The following CACNA2D2 variants were observed in gnomAD, a reference collection of about 807,000 sequenced individuals.
The protein encoded by CACNA2D2 is voltage-dependent calcium channel subunit alpha-2/delta-2.
A neutral mutation model predicts 166.4 loss-of-function variants in CACNA2D2; 48 were observed. The ratio of observed to expected loss-of-function variants is 0.29; its 90% confidence interval spans 0.23 to 0.37. The LOEUF (loss-of-function observed/expected upper bound fraction) is 0.37, where lower values mean the gene tolerates loss of function less well. CACNA2D2 is among the 10% of genes least tolerant of loss of function. The pLI is 1.00. For synonymous variants in CACNA2D2, 561 were observed against 573.7 expected, an observed-to-expected ratio of 0.98 and a Z score of 0.32; for missense variants, 1,122 against 1,433.0, an observed-to-expected ratio of 0.78 and a Z score of 3.50.
chr3:50,367,439 T>C lies in CACNA2D2; in HGVS notation c.2356A>G (p.Ser786Gly). Residue 786 changes from serine to glycine, a missense_variant, in exon 27 of 38, where the codon AGC becomes GGC. This residue lies in a region of CACNA2D2 where 840 missense variants were observed against 1,166.8 expected (regional missense o/e 0.72). Transcript: ENST00000424201. This position sits in a 1 kb window ranked among gnomAD's most constrained non-coding sequence, Gnocchi z 6.5. Reference protein sequence around the residue: ...EPFNASFYRRSLDNHGYVFKP... With the variant: ...EPFNASFYRRGLDNHGYVFKP... ...AAGACATAACCGTGGTTATCCAGGC[T>C]GCGGCGGTAGAAGCTGGCATTGAAG... 6.2e-7 allele frequency: 1 copy of C among 1,613,916 alleles called. No individual in the cohort carries two copies. The highest frequency in any genetic ancestry group is 1.1e-5 in the South Asian group (1 of 91,074).
intron 2 of CACNA2D2, among the ~76,000 whole-genome samples, chr3:50,445,158 G>T (rs983727002): frequency 5.3e-5 from 8 of 152,220 alleles, no homozygotes; most frequent in Non-Finnish European, 8.8e-5. Flanking sequence ...GAACTTTGCT[G>T]GCTTGGACGG....
intron 3 of CACNA2D2, among the ~76,000 whole-genome samples, chr3:50,413,529 G>T (rs1344202323): frequency 6.6e-6 from 1 of 152,098 alleles, no homozygotes; most frequent in Non-Finnish European, 1.5e-5. Context: ...CTTCCCCGTT[G>T]TAAGTTGCCC....
chr3:50,409,866 G>A (rs1440682166), intron 3 of CACNA2D2, among the ~76,000 whole-genome samples: 1 of 152,232 alleles, frequency 6.6e-6, no homozygotes, highest in Non-Finnish European at 1.5e-5. Flanking sequence ...GCGGGCACGA[G>A]GAGACCTGAG....
At chr3:50,498,110 T>C (rs370842786) in intron 1 of CACNA2D2, among the ~76,000 whole-genome samples, 31 of 151,828 alleles carry the variant, frequency 2.0e-4, no homozygotes, top group African/African-American at 7.0e-4. Context: ...GGGAGTGGGG[T>C]AGGTGGCTGG....
intron 2 of CACNA2D2, among the ~76,000 whole-genome samples, chr3:50,444,599 T>C: frequency 6.6e-6 from 1 of 152,292 alleles, no homozygotes; most frequent in East Asian, 1.9e-4. Flanking sequence ...GGACCAACTT[T>C]CCCGGCCTCA....
intron 2 of CACNA2D2, among the ~76,000 whole-genome samples, chr3:50,451,618 C>A (rs1201494713): frequency 1.3e-5 from 2 of 152,218 alleles, no homozygotes; most frequent in Non-Finnish European, 2.9e-5. Flanking sequence ...AGTGCTTGGA[C>A]AACTTCCATG....
Position 50,376,500 on chromosome 3 carries a change from AG to A in CACNA2D2, c.1627-313del, listed in dbSNP as rs1705003239. Among the ~76,000 whole-genome samples the A allele has an allele frequency of 1.3e-5, 2 of 152,096 alleles. No homozygotes were observed. The highest frequency in any genetic ancestry group is 4.8e-5 in the African/African-American group (2 of 41,412). ...ACCTCTCTGCCACCACCGGCCCCAC[AG>A]GTCTGCTGCTTCTGTACCCCTGTGG... is the stretch of plus-strand genomic sequence containing the variant. On this transcript the variant is annotated intron_variant, in intron 17 of 37. Transcript: ENST00000424201. This position sits in a 1 kb window ranked among gnomAD's most constrained non-coding sequence, Gnocchi z 4.3.
At chr3:50,435,731 C>T (rs1708289734) in intron 2 of CACNA2D2, among the ~76,000 whole-genome samples, 1 of 152,102 alleles carries the variant, frequency 6.6e-6, no homozygotes, top group Admixed American at 6.5e-5. Context: ...CCACACAAAG[C>T]CAGCTCAGGC....
At chr3:50,497,144 C>T (rs1013099628) in intron 1 of CACNA2D2, among the ~76,000 whole-genome samples, 2 of 152,198 alleles carry the variant, frequency 1.3e-5, no homozygotes, top group Non-Finnish European at 2.9e-5. Flanking sequence ...GGCACCCTCA[C>T]ACTGGAAGAG....
At chr3:50,491,030 C>T (rs1469352121) in intron 1 of CACNA2D2, among the ~76,000 whole-genome samples, 1 of 152,220 alleles carries the variant, frequency 6.6e-6, no homozygotes, top group African/African-American at 2.4e-5. Context: ...CCAGCTTCCT[C>T]CATGCTGAGT....
intron 2 of CACNA2D2, among the ~76,000 whole-genome samples, chr3:50,460,372 G>A (rs1259107038): frequency 2.6e-5 from 4 of 152,014 alleles, no homozygotes; most frequent in Non-Finnish European, 5.9e-5. Flanking sequence ...AAAGGGTTAG[G>A]GAATTTATGT....
At chr3:50,377,320 C>G (rs1008073216) in intron 17 of CACNA2D2, 147 bp downstream of exon 17, 5 of 651,888 alleles carry the variant, frequency 7.7e-6, no homozygotes, top group Non-Finnish European at 1.3e-5. Flanking sequence ...TGTTCTAGAC[C>G]CAAGGTCACC....
chr3:50,445,238 A>G (rs1293391086), intron 2 of CACNA2D2, among the ~76,000 whole-genome samples: 1 of 152,178 alleles, frequency 6.6e-6, no homozygotes, highest in Non-Finnish European at 1.5e-5. Context: ...CTAACAGCAT[A>G]GGTGCCGGAC....
chr3:50,483,013 C>A (rs1414097847), intron 1 of CACNA2D2, among the ~76,000 whole-genome samples: 1 of 152,186 alleles, frequency 6.6e-6, no homozygotes, highest in Non-Finnish European at 1.5e-5. Flanking sequence ...CAAATCAGCA[C>A]TGGCCTCACA....
rs1471772348 is a variant in CACNA2D2, at chr3:50,427,901, C to G, written c.405+6412G>C. Among the ~76,000 whole-genome samples, 1 of 152,212 alleles carries G rather than the reference C, an allele frequency of 6.6e-6. No individual in the cohort carries two copies. Among genetic ancestry groups the G allele is most frequent in the African/African-American group, 2.4e-5 (1 of 41,460 alleles). On this transcript the variant is annotated intron_variant, in intron 3 of 37. Transcript: ENST00000424201. The surrounding 1 kb of genome is among the most constrained non-coding windows in gnomAD (Gnocchi z 4.7). ...CCTCGTCAGTGAATGCACCCGTGGA[C>G]TCAGCTGAACTGGCCTCCAGCTGCC...
chr3:50,404,538 T>C (rs1362679792), intron 3 of CACNA2D2, among the ~76,000 whole-genome samples: 17 of 152,042 alleles, frequency 1.1e-4, no homozygotes, highest in Admixed American at 1.1e-3. Context: ...ATCAGTGCAT[T>C]CTCCTGACAT....
At chr3:50,431,959 T>C (rs1575676402) in intron 3 of CACNA2D2, among the ~76,000 whole-genome samples, 1 of 127,348 alleles carries the variant, frequency 7.9e-6, no homozygotes, top group East Asian at 2.2e-4. Flanking sequence ...TACTCCAGCC[T>C]GGGTGACAGA....
intron 5 of CACNA2D2, among the ~76,000 whole-genome samples, chr3:50,385,717 G>A (rs934083081): frequency 2.0e-5 from 3 of 152,194 alleles, no homozygotes; most frequent in Non-Finnish European, 4.4e-5. Flanking sequence ...AGAAGCCCTC[G>A]GGTGCTGGGT....
At chr3:50,391,619 C>T (rs1705897536) in intron 4 of CACNA2D2, among the ~76,000 whole-genome samples, 1 of 152,230 alleles carries the variant, frequency 6.6e-6, no homozygotes. Context: ...CTCTTGATCT[C>T]TTGTCCCAGC....
Sources: gnomAD v4.1 joint callset for allele counts (sites outside exome capture counted in the v4.1 genomes callset) on GRCh38, gnomAD v4.1.1 for gene constraint, gnomAD v4.1.1 regional missense constraint, Gnocchi (gnomAD v3.1) non-coding constraint, MANE v1.5 for transcripts, NCBI Gene and HGNC (gene_info 2026-07-23, HGNC 2026-07-21) for gene names.